Variants in SASH1 observed in about 807,000 individuals in gnomAD.
SASH1 encodes SAM and SH3 domain containing 1, also known as SAM and SH3 domain-containing protein 1.
Under a neutral mutation model 125.2 loss-of-function variants are expected in SASH1, and 44 were observed. The observed-to-expected ratio is 0.35, with a 90% CI of 0.28 to 0.45. SASH1 has a LOEUF of 0.45. Ranked by LOEUF, SASH1 falls within the 20% of genes least tolerant of loss-of-function variation. SASH1 has a pLI of 1.00. For missense variants in SASH1, 1,426 were observed against 1,614.5 expected (o/e 0.88, Z 2.00); for synonymous variants, 639 against 649.1 (o/e 0.98, Z 0.24).
At chr6:148,221,991 A>G in the SASH1 span, among the ~76,000 whole-genome samples, 1 of 152,248 alleles carries the variant, frequency 6.6e-6, no homozygotes, top group African/African-American at 2.4e-5. Flanking sequence ...CTACCCATAA[A>G]ATAAAACTGA....
intron 9 of SASH1, among the ~76,000 whole-genome samples, chr6:148,517,037 CT>C: frequency 2.6e-5 from 4 of 152,308 alleles, no homozygotes; most frequent in Admixed American, 2.6e-4. Flanking sequence ...GAATGCACAC[CT>C]TTCCTTCCCT....
Position 148,296,745 on chromosome 6 carries a change from G to A in SASH1, n.74+24368G>A, listed in dbSNP as rs1582929452. ...CACATGTCCAAAATCCCTTCGGTGC[G>A]GCAGTTTGGAGAAAGGGGTCAAGGA... On this transcript the variant is annotated intron_variant and non_coding_transcript_variant, in intron 1 of 3. Transcript: ENST00000367469. 3.3e-5 allele frequency among the ~76,000 whole-genome samples: 5 copies of A among 152,214 alleles called. No individual in the cohort carries two copies. In the South Asian group the frequency reaches 8.3e-4, roughly 25 times the overall value.
At chr6:148,441,186 A>C (rs1459975202) in intron 4 of SASH1, among the ~76,000 whole-genome samples, 3 of 152,242 alleles carry the variant, frequency 2.0e-5, no homozygotes, top group African/African-American at 4.8e-5. Context: ...TTGTACGTTC[A>C]TGCCAAGGGA....
At chr6:148,523,650 TCCAGACCCCAATGGC>T (rs758259132) in intron 10 of SASH1, among the ~76,000 whole-genome samples, 15 of 152,276 alleles carry the variant, frequency 9.9e-5, no homozygotes, top group Non-Finnish European at 1.8e-4. Context: ...CCTGGCCCTC[TCCAGACCCCAATGGC>T]CGTCTCTCAC....
At chr6:148,205,426 AAGTCCCTTT>A in the SASH1 span, among the ~76,000 whole-genome samples, 1 of 152,126 alleles carries the variant, frequency 6.6e-6, no homozygotes, top group East Asian at 1.9e-4. Flanking sequence ...CAGCATTCCC[AAGTCCCTTT>A]TTGTATTTAG....
intron 8 of SASH1, among the ~76,000 whole-genome samples, chr6:148,490,303 G>T (rs1779056122): frequency 6.6e-6 from 1 of 151,932 alleles, no homozygotes. Flanking sequence ...CCACCTCCCA[G>T]GTTCCAGTGA....
At chr6:148,223,623 T>C in the SASH1 span, among the ~76,000 whole-genome samples, 1 of 152,236 alleles carries the variant, frequency 6.6e-6, no homozygotes, top group South Asian at 2.1e-4. Context: ...CTATTATAAC[T>C]TCATGTGAGT....
At chr6:148,466,401 G>A (rs981562266) in intron 4 of SASH1, among the ~76,000 whole-genome samples, 2 of 152,170 alleles carry the variant, frequency 1.3e-5, no homozygotes, top group African/African-American at 4.8e-5. Context: ...GGCACCCAGT[G>A]GTCAGCCCAC....
intron 2 of SASH1, among the ~76,000 whole-genome samples, chr6:148,406,522 CCTT>C (rs1784380901): frequency 6.6e-6 from 1 of 152,228 alleles, no homozygotes. Flanking sequence ...ATGCCTATCA[CCTT>C]CTACAACAGC....
At chr6:148,448,414 T>A (rs1583176761) in intron 4 of SASH1, among the ~76,000 whole-genome samples, 1 of 152,128 alleles carries the variant, frequency 6.6e-6, no homozygotes, top group South Asian at 2.1e-4. Context: ...TGATGAAATG[T>A]TATTTCAGAG....
In SASH1 at chr6:148,410,599, GC is replaced by G. The variant is rs566292860; in HGVS notation, c.285+20339del. Among the ~76,000 whole-genome samples the G allele has an allele frequency of 6.1e-3, 925 of 152,246 alleles. 8 individuals are homozygous for G. The highest frequency in any genetic ancestry group is 8.6e-3 in the Non-Finnish European group (583 of 68,012). On this transcript the variant is annotated intron_variant, in intron 2 of 19. Coordinates refer to ENST00000367467, the MANE Select transcript of SASH1 (RefSeq NM_015278.5). ...CAGAATTAGTTCTCTTGAGACAAGA[GC>G]CATATTTTCCTGTAAGCCAATGAAT...
chr6:148,304,070 C>T (rs1003778071), intron 1 of SASH1, among the ~76,000 whole-genome samples: 2 of 151,932 alleles, frequency 1.3e-5, no homozygotes, highest in Non-Finnish European at 2.9e-5. Flanking sequence ...TTTGAGAGGC[C>T]GAGGTGGGTG....
chr6:148,326,359 CAT>C (rs1212032481), intron 1 of SASH1, among the ~76,000 whole-genome samples: 1 of 14,602 alleles, frequency 6.8e-5, no homozygotes, highest in Non-Finnish European at 1.3e-4. Flanking sequence ...TATATATATG[CAT>C]ATATATATAT....
At chr6:148,277,317 C>A (rs1157233165) in intron 1 of SASH1, among the ~76,000 whole-genome samples, 1 of 152,168 alleles carries the variant, frequency 6.6e-6, no homozygotes, top group Non-Finnish European at 1.5e-5. Flanking sequence ...TCCAAAATAC[C>A]ACGTTAACAA....
At chr6:148,281,518 G>A (rs1211979249) in intron 1 of SASH1, among the ~76,000 whole-genome samples, 1 of 152,192 alleles carries the variant, frequency 6.6e-6, no homozygotes, top group East Asian at 1.9e-4. Context: ...GAAGAAATGG[G>A]ACCGACTCAT....
chr6:148,376,637 G>A (rs1782905536), intron 1 of SASH1, among the ~76,000 whole-genome samples: 1 of 151,974 alleles, frequency 6.6e-6, no homozygotes, highest in Admixed American at 6.6e-5. Flanking sequence ...TGAGGCAAGA[G>A]CATCACATTG....
chr6:148,486,965 A>G (rs9498048), intron 7 of SASH1, among the ~76,000 whole-genome samples: 2 of 34,308 alleles, frequency 5.8e-5, no homozygotes, highest in Non-Finnish European at 1.5e-4. Context: ...ATATATATAT[A>G]TATATATATA....
the SASH1 span, among the ~76,000 whole-genome samples, chr6:148,212,389 C>A: frequency 1.2e-4 from 19 of 152,254 alleles, no homozygotes; most frequent in South Asian, 2.7e-3. Flanking sequence ...AGAATTAGGA[C>A]CTTGGGGGCT....
intron 1 of SASH1, among the ~76,000 whole-genome samples, chr6:148,303,420 C>A (rs975287230): frequency 6.6e-6 from 1 of 152,106 alleles, no homozygotes; most frequent in Admixed American, 6.6e-5. Flanking sequence ...GAATCAAAAT[C>A]ATAGAGTATG....
Sources: gnomAD v4.1 joint callset for allele counts (sites outside exome capture counted in the v4.1 genomes callset) on GRCh38, gnomAD v4.1.1 for gene constraint, MANE v1.5 for transcripts, NCBI Gene and HGNC (gene_info 2026-07-23, HGNC 2026-07-21) for gene names.